Variants in RBM20 observed in about 807,000 individuals in gnomAD.
RBM20 encodes the protein RNA binding motif protein 20.
A neutral mutation model predicts 110.1 loss-of-function variants in RBM20; 51 were observed. That is an observed-to-expected ratio of 0.46 (90% confidence interval 0.37 to 0.59). The LOEUF (loss-of-function observed/expected upper bound fraction) is 0.59, where lower values mean the gene tolerates loss of function less well. RBM20 is among the 20% of genes least tolerant of loss of function. The pLI is 0.00. For synonymous variants in RBM20, 589 were observed against 618.2 expected (o/e 0.95, Z 0.70); for missense variants, 1,512 against 1,574.9 (o/e 0.96, Z 0.68).
intron 9 of RBM20, among the ~76,000 whole-genome samples, chr10:110,816,934 T>C (rs536058547): frequency 2.0e-5 from 3 of 152,324 alleles, no homozygotes; most frequent in African/African-American, 7.2e-5. Context: ...TGGAGAAAGT[T>C]TCTGTGGTTG....
intron 1 of RBM20, among the ~76,000 whole-genome samples, chr10:110,767,657 C>T (rs1160992754): frequency 6.6e-6 from 1 of 151,426 alleles, no homozygotes; most frequent in Non-Finnish European, 1.5e-5. Context: ...GACGGGGTCA[C>T]GGCCGGGTAG....
chr10:110,652,634 C>T (rs1409087170), intron 1 of RBM20, among the ~76,000 whole-genome samples: 2 of 152,134 alleles, frequency 1.3e-5, no homozygotes, highest in Non-Finnish European at 2.9e-5. Flanking sequence ...TTAGCCCAGC[C>T]TTCCTGTTTT....
intron 1 of RBM20, among the ~76,000 whole-genome samples, chr10:110,735,405 G>A (rs1239761316): frequency 6.6e-6 from 1 of 152,180 alleles, no homozygotes; most frequent in South Asian, 2.1e-4. Flanking sequence ...ACTTAACTTC[G>A]TTTTGACAAT....
intron 7 of RBM20, among the ~76,000 whole-genome samples, chr10:110,807,078 C>T (rs905521148): frequency 6.6e-6 from 1 of 152,212 alleles, no homozygotes; most frequent in African/African-American, 2.4e-5. Context: ...ATACCTGTGA[C>T]CACTAGCCCC....
chr10:110,741,716 C>A (rs939026147), intron 1 of RBM20, among the ~76,000 whole-genome samples: 1 of 151,914 alleles, frequency 6.6e-6, no homozygotes, highest in African/African-American at 2.4e-5. Context: ...TGAGGGCTGC[C>A]CCCTGCCCCC....
Position 110,720,791 on chromosome 10 carries a change from C to T in RBM20, c.192-60010C>T, listed in dbSNP as rs142140896. Among the ~76,000 whole-genome samples, 22 of 152,252 alleles carry T rather than the reference C, an allele frequency of 1.4e-4. No individual in the cohort carries two copies. In the East Asian group the frequency reaches 4.3e-3, roughly 29 times the overall value. On this transcript the variant is annotated intron_variant, in intron 1 of 13. Coordinates refer to ENST00000369519, the MANE Select transcript of RBM20 (RefSeq NM_001134363.3). ...GCTCTCCCACAGCAGCTGGAGTGAC[C>T]GTTGAAAATGCACATCCAGTCATTT...
At chr10:110,796,788 T>A (rs1844556076) in intron 5 of RBM20, among the ~76,000 whole-genome samples, 1 of 152,150 alleles carries the variant, frequency 6.6e-6, no homozygotes, top group African/African-American at 2.4e-5. Context: ...CACATTTACC[T>A]CCTTCTTGTC....
intron 1 of RBM20, among the ~76,000 whole-genome samples, chr10:110,737,619 G>GT (rs1278402775): frequency 6.3e-5 from 5 of 78,938 alleles, no homozygotes; most frequent in Non-Finnish European, 9.8e-5. Flanking sequence ...AGATTAGTTT[G>GT]CCTTTTTTTT....
At position 110,644,509 on chromosome 10, in the gene RBM20, C is replaced by A. The variant is rs1353436698; in HGVS notation, c.55C>A (p.Pro19Thr). ...QDADPSGPEQ[P>T]DRVACSVPGA... Reference sequence around the variant, plus strand: ...CGCGGACCCCAGCGGTCCGGAGCAGCCGGACAGAGTTGCCTGCAGTGTGCC... The same window carrying A: ...CGCGGACCCCAGCGGTCCGGAGCAGACGGACAGAGTTGCCTGCAGTGTGCC... The change falls in exon 1 of 14, where the codon CCG becomes ACG. Residue 19 changes from proline to threonine, a missense_variant. Coordinates refer to ENST00000369519, the MANE Select transcript of RBM20 (RefSeq NM_001134363.3). The surrounding 1 kb of genome is among the most constrained non-coding windows in gnomAD (Gnocchi z 4.3). The A allele has an allele frequency of 2.0e-6, 3 of 1,527,006 alleles. No homozygotes were observed. In the Admixed American group the frequency reaches 6.1e-5, roughly 31 times the overall value. The allele number at this position is 1,527,006 out of a possible 1,614,324, so 94.6% of individuals were successfully genotyped here.
intron 1 of RBM20, among the ~76,000 whole-genome samples, chr10:110,702,321 C>T (rs1029699415): frequency 1.3e-5 from 2 of 151,798 alleles, no homozygotes; most frequent in African/African-American, 2.4e-5. Context: ...GGGAGGATCA[C>T]CTGAGGGCAG....
At chr10:110,775,286 C>T (rs1036438246) in intron 1 of RBM20, among the ~76,000 whole-genome samples, 1 of 152,254 alleles carries the variant, frequency 6.6e-6, no homozygotes, top group African/African-American at 2.4e-5. Context: ...ATTCACCACT[C>T]AGCCAGTTGC....
intron 5 of RBM20, among the ~76,000 whole-genome samples, chr10:110,786,346 C>T (rs1282667545): frequency 1.3e-5 from 2 of 152,242 alleles, no homozygotes; most frequent in Non-Finnish European, 2.9e-5. Context: ...CGTGCTGTCC[C>T]CTCTACGTGT....
chr10:110,774,937 TAAAAAG>T (rs1021693875), intron 1 of RBM20, among the ~76,000 whole-genome samples: 1 of 152,182 alleles, frequency 6.6e-6, no homozygotes, highest in Non-Finnish European at 1.5e-5. Flanking sequence ...AGATAAATAT[TAAAAAG>T]AAATTCCCAC....
chr10:110,810,794 C>CGT (rs111830546), intron 8 of RBM20, among the ~76,000 whole-genome samples: 1,591 of 147,264 alleles, frequency 0.011, 10 homozygotes, highest in East Asian at 0.022. Flanking sequence ...AAAAGTAATG[C>CGT]GTGTGTGTGT....
At chr10:110,718,750 T>G (rs1196564230) in intron 1 of RBM20, among the ~76,000 whole-genome samples, 1 of 151,706 alleles carries the variant, frequency 6.6e-6, no homozygotes, top group African/African-American at 2.4e-5. Flanking sequence ...TAGCTGGGAT[T>G]ACAGGCACCC....
chr10:110,669,077 G>C (rs1862222354), intron 1 of RBM20, among the ~76,000 whole-genome samples: 1 of 152,172 alleles, frequency 6.6e-6, no homozygotes, highest in South Asian at 2.1e-4. Flanking sequence ...ACCTCATAAA[G>C]GTGTTGTGGT....
At chr10:110,762,747 C>T (rs1371923584) in intron 1 of RBM20, among the ~76,000 whole-genome samples, 1 of 152,188 alleles carries the variant, frequency 6.6e-6, no homozygotes, top group African/African-American at 2.4e-5. Flanking sequence ...CACATCACTG[C>T]TTCTCCCACA....
chr10:110,805,802 G>A (rs904516715), intron 7 of RBM20, among the ~76,000 whole-genome samples: 1 of 152,216 alleles, frequency 6.6e-6, no homozygotes, highest in African/African-American at 2.4e-5. Flanking sequence ...GCAGCAAGAT[G>A]TGTTAACTCT....
At chr10:110,813,777 G>A (rs923094720) in intron 9 of RBM20, among the ~76,000 whole-genome samples, 1 of 150,046 alleles carries the variant, frequency 6.7e-6, no homozygotes, top group East Asian at 2.0e-4. Flanking sequence ...GGAGGTTGCA[G>A]TGAGCCGAGA....
Sources: gnomAD v4.1 joint callset for allele counts (sites outside exome capture counted in the v4.1 genomes callset) on GRCh38, gnomAD v4.1.1 for gene constraint, Gnocchi (gnomAD v3.1) non-coding constraint, MANE v1.5 for transcripts, NCBI Gene and HGNC (gene_info 2026-07-23, HGNC 2026-07-21) for gene names.